PLK3: variants seen among roughly 807,000 people sequenced by gnomAD.
PLK3 encodes polo like kinase 3, also known as serine/threonine-protein kinase PLK3.
A neutral mutation model predicts 71.6 loss-of-function variants in PLK3; 41 were observed. The ratio of observed to expected loss-of-function variants is 0.57; its 90% CI spans 0.45 to 0.74. The LOEUF (loss-of-function observed/expected upper bound fraction) is 0.74. Ranked by LOEUF, PLK3 falls within the 30% of genes least tolerant of loss-of-function variation. PLK3 has a pLI of 0.00. For missense variants in PLK3, 791 were observed against 875.6 expected (o/e 0.90, Z 1.22); for synonymous variants, 366 against 355.4 (o/e 1.03, Z -0.33).
In PLK3 at chr1:44,804,478, T is replaced by C; in HGVS notation, c.1482T>C (p.His494=). 1 of 1,614,194 alleles carries C rather than the reference T, an allele frequency of 6.2e-7. No individual in the cohort carries two copies. Among genetic ancestry groups the C allele is most frequent in the African/African-American group, 1.3e-5 (1 of 75,060 alleles). The change falls in exon 12 of 15, where the codon CAT becomes CAC. Residue 494 remains histidine (H), a synonymous_variant. Transcript: ENST00000372201. ...CTGTGCTCTTCAACGATGGCACACATATGGCCCTGTCGGCCAACAGAAAGT... is the reference window on the plus strand; with the variant it reads ...CTGTGCTCTTCAACGATGGCACACACATGGCCCTGTCGGCCAACAGAAAGT... ...RVAVLFNDGT[H]MALSANRKTV...
In PLK3 at chr1:44,805,230, C is replaced by A. The variant is rs780531158; in HGVS notation, c.1636-36C>A. On this transcript the variant is annotated intron_variant, in intron 13 of 14. Coordinates refer to ENST00000372201, the MANE Select transcript of PLK3 (RefSeq NM_004073.4). ...CACTAATGGGGAGGGGGCTGTCTCA[C>A]GCTGGATCAGTGACCTGCCCTGATC... The A allele has an allele frequency of 1.1e-5, 15 of 1,414,222 alleles. 1 individual carries two copies. In the South Asian group the frequency reaches 1.6e-4, roughly 15 times the overall value. 87.6% of individuals were successfully genotyped at this position (1,414,222 alleles called of 1,614,324 possible).
At chr1:44,801,777 G>A (rs757343328) in intron 4 of PLK3, 26 bp downstream of exon 4, 6 of 1,585,104 alleles carry the variant, frequency 3.8e-6, no homozygotes, top group African/African-American at 2.7e-5. Context: ...CTGGAGGATG[G>A]GAGGTTGGGG....
rs746289025 is a variant in PLK3, at chr1:44,805,248, C to T, written c.1636-18C>T. 1 of 1,561,282 alleles carries T rather than the reference C, an allele frequency of 6.4e-7. No individual in the cohort carries two copies. Among genetic ancestry groups the T allele is most frequent in the Non-Finnish European group, 8.8e-7 (1 of 1,131,870 alleles). On this transcript the variant is annotated intron_variant, in intron 13 of 14. Transcript: ENST00000372201. ...TGTCTCACGCTGGATCAGTGACCTG[C>T]CCTGATCCTGCTCCCAGGGTGGAGA...
In PLK3 at chr1:44,803,992, C is replaced by G; in HGVS notation, c.1226C>G (p.Ser409Ter). ...GTAGAGACAGCACCTGAAGACAGCT[C>G]ACCCCGTGGGACACTGGCAAGCAGT... ...SLVETAPEDSSPRGTLASSGD... is the reference protein window; with the variant it reads ...SLVETAPEDS The change falls in exon 10 of 15, where the codon TCA (serine) becomes TGA (stop). Residue 409 changes from serine (S) to a stop codon, truncating the protein, a stop_gained. Transcript: ENST00000372201. LOFTEE classifies it high-confidence loss of function. This position sits in a 1 kb window ranked among gnomAD's most constrained non-coding sequence, Gnocchi z 4.3. 1 of 1,553,846 alleles carries G rather than the reference C, an allele frequency of 6.4e-7. No homozygotes were observed. Among genetic ancestry groups the G allele is most frequent in the Non-Finnish European group, 8.7e-7 (1 of 1,147,620 alleles).
Position 44,801,132 on chromosome 1 carries a change from T to C in PLK3, c.415T>C (p.Leu139=), listed in dbSNP as rs781354923. 1.6e-5 allele frequency: 25 copies of C among 1,612,432 alleles called. No individual in the cohort carries two copies. The highest frequency in any genetic ancestry group is 1.3e-5 in the Non-Finnish European group (15 of 1,178,932). The change falls in exon 3 of 15, where the codon TTG becomes CTG. Residue 139 remains leucine, a synonymous_variant. Coordinates refer to ENST00000372201, the MANE Select transcript of PLK3 (RefSeq NM_004073.4). ...FEDADNIYIF[L]ELCSRKSLAH... ...GGACGCTGACAACATCTACATTTTCTTGGAGCTCTGCAGCCGAAAGGTGAA... is the reference window on the plus strand; with the variant it reads ...GGACGCTGACAACATCTACATTTTCCTGGAGCTCTGCAGCCGAAAGGTGAA...
In PLK3 at chr1:44,804,807, G is replaced by GA. The variant is rs772056441; in HGVS notation, c.1635+31dup. 6 of 1,611,238 alleles carry GA rather than the reference G, an allele frequency of 3.7e-6. No homozygotes were observed. In the Admixed American group the frequency reaches 1.0e-4, roughly 27 times the overall value. Reference sequence around the variant, plus strand: ...GTGAGGGCTGGGGCTGTGGTACATTGAAACCTAACCCATCCTGGCCGGGTG... The same window carrying GA: ...GTGAGGGCTGGGGCTGTGGTACATTGAAAACCTAACCCATCCTGGCCGGGTG... On this transcript the variant is annotated intron_variant, in intron 13 of 14. Transcript: ENST00000372201.
intron 5 of PLK3, among the ~76,000 whole-genome samples, 169 bp downstream of exon 5, chr1:44,802,101 C>T (rs1189136181): frequency 6.6e-6 from 1 of 151,686 alleles, no homozygotes; most frequent in Non-Finnish European, 1.5e-5. Flanking sequence ...GCCTGTGTTA[C>T]CGAGACCGGT....
In PLK3 at chr1:44,803,592, A is replaced by G; in HGVS notation, c.1073-8A>G. 1.9e-6 allele frequency: 3 copies of G among 1,612,384 alleles called. No individual in the cohort carries two copies. The highest frequency in any genetic ancestry group is 2.5e-6 in the Non-Finnish European group (3 of 1,178,720). On this transcript the variant is annotated splice_polypyrimidine_tract_variant and splice_region_variant and intron_variant, in intron 8 of 14. Transcript: ENST00000372201. This position sits in a 1 kb window ranked among gnomAD's most constrained non-coding sequence, Gnocchi z 4.3. ...GATACTGAGGACGGTATCACCTTTC[A>G]CCCCCAGGTAAGAATCATGCCCAGG...
rs1042974765 is a variant in PLK3, at chr1:44,800,751, G to A, written c.210+78G>A. 5.8e-6 allele frequency: 9 copies of A among 1,540,950 alleles called. No homozygotes were observed. The highest frequency in any genetic ancestry group is 5.2e-6 in the Non-Finnish European group (6 of 1,144,340). Reference sequence around the variant, plus strand: ...CGGCCTCTTTTCTGGCGCCGAGCAGGGCGTGGGCACTTGACCCCCAACGCG... The same window carrying A: ...CGGCCTCTTTTCTGGCGCCGAGCAGAGCGTGGGCACTTGACCCCCAACGCG... On this transcript the variant is annotated intron_variant, in intron 1 of 14. Coordinates refer to ENST00000372201, the MANE Select transcript of PLK3 (RefSeq NM_004073.4). This position sits in a 1 kb window ranked among gnomAD's most constrained non-coding sequence, Gnocchi z 6.5.
In PLK3 at chr1:44,802,961, G is replaced by A. The variant is rs770311100; in HGVS notation, c.756G>A (p.Thr252=). 2 of 1,613,986 alleles carry A rather than the reference G, an allele frequency of 1.2e-6. No homozygotes were observed. Among genetic ancestry groups the A allele is most frequent in the Non-Finnish European group, 1.7e-6 (2 of 1,179,934 alleles). Residue 252 remains threonine (T), a synonymous_variant, in exon 7 of 15, where the codon ACG becomes ACA. Transcript: ENST00000372201. ...CCTTGGCCCTGCCCTATAGGTACAC[G>A]CTGCTCTGCGGGAGCCCTCCCTTTG... ...DVWSLGCVMY[T]LLCGSPPFET...
chr1:44,803,608 C>A lies in PLK3; in HGVS notation c.1081C>A (p.His361Asn). 6.2e-7 allele frequency: 1 copy of A among 1,613,696 alleles called. No homozygotes were observed. The highest frequency in any genetic ancestry group is 8.5e-7 in the Non-Finnish European group (1 of 1,179,668). ...LFGRKKKSKN[H>N]AQERDEVSGL... ...TCACCTTTCACCCCCAGGTAAGAAT[C>A]ATGCCCAGGAGAGGGATGAGGTCTC... The change falls in exon 9 of 15, where the codon CAT (histidine) becomes AAT (asparagine). Residue 361 changes from histidine (H) to asparagine (N), a missense_variant. His to Asn is a moderately conservative substitution (Grantham distance 68, BLOSUM62 1). Coordinates refer to ENST00000372201, the MANE Select transcript of PLK3 (RefSeq NM_004073.4). This position sits in a 1 kb window ranked among gnomAD's most constrained non-coding sequence, Gnocchi z 4.3.
rs779435111 is a variant in PLK3 at position 44,804,759 on chromosome 1, A to G, written c.1615A>G (p.Met539Val). ...LGILRYFASY[M>V]EQHLMKGGDL... The stretch of plus-strand genomic sequence containing the variant: ...TATCCTGCGGTACTTCGCCTCCTAC[A>G]TGGAGCAGCACCTCATGAAGGTGTG... The change falls in exon 13 of 15, where the codon ATG becomes GTG. Residue 539 changes from methionine to valine, a missense_variant. Physicochemically the swap from Met to Val is conservative, Grantham distance 21. Coordinates refer to ENST00000372201, the MANE Select transcript of PLK3 (RefSeq NM_004073.4). 11 of 1,613,800 alleles carry G rather than the reference A, an allele frequency of 6.8e-6. No individual in the cohort carries two copies. Among genetic ancestry groups the G allele is most frequent in the Non-Finnish European group, 8.5e-7 (1 of 1,179,898 alleles).
rs749747776 is a variant in PLK3 at position 44,800,894 on chromosome 1, G to A, written c.265G>A (p.Ala89Thr). 4.3e-6 allele frequency: 7 copies of A among 1,612,218 alleles called. No individual in the cohort carries two copies. Among genetic ancestry groups the A allele is most frequent in the Admixed American group, 3.3e-5 (2 of 59,998 alleles). Reference sequence around the variant, plus strand: ...TGACACAGAGACTGGCAGCGCCTACGCTGTCAAAGTCATCCCGCAGAGCCG... The same window carrying A: ...TGACACAGAGACTGGCAGCGCCTACACTGTCAAAGTCATCCCGCAGAGCCG... ...ATDTETGSAY[A>T]VKVIPQSRVA... Residue 89 changes from alanine (A) to threonine (T), a missense_variant, in exon 2 of 15, where the codon GCT becomes ACT. Physicochemically the swap from Ala to Thr is moderately conservative, Grantham distance 58. Coordinates refer to ENST00000372201, the MANE Select transcript of PLK3 (RefSeq NM_004073.4). The surrounding 1 kb of genome is among the most constrained non-coding windows in gnomAD (Gnocchi z 6.5).
rs1484583892 is a variant in PLK3, at chr1:44,802,871, C to T, written c.749+16C>T. ...GCTGTGTCATGTGAGTTGCAGGGTC[C>T]AGGTTCAGCAGCAGACAGGTGGTGG... On this transcript the variant is annotated intron_variant, in intron 6 of 14. Transcript: ENST00000372201. The T allele has an allele frequency of 1.9e-6, 3 of 1,610,546 alleles. No individual in the cohort carries two copies. Among genetic ancestry groups the T allele is most frequent in the Admixed American group, 1.7e-5 (1 of 59,990 alleles).
intron 10 of PLK3, 66 bp from the exon 11 acceptor site, chr1:44,804,097 G>A: frequency 1.3e-6 from 2 of 1,542,096 alleles, no homozygotes; most frequent in South Asian, 1.1e-5. Context: ...GGAAGGAGTG[G>A]GCAGAGGGGC....
rs1651793867 is a variant in PLK3, at chr1:44,800,586, G to A, written c.123G>A (p.Leu41=). 6.5e-6 allele frequency: 10 copies of A among 1,536,286 alleles called. 1 individual carries two copies. In the East Asian group the frequency reaches 2.5e-4, roughly 38 times the overall value. The change falls in exon 1 of 15, where the codon CTG becomes CTA. Residue 41 remains leucine, a synonymous_variant. Transcript: ENST00000372201. This position sits in a 1 kb window ranked among gnomAD's most constrained non-coding sequence, Gnocchi z 6.5. ...TGCGCGGACCTGAGCTGGAGATGCT[G>A]GCCGGGCTACCGACGTCAGACCCCG... ...SALRGPELEM[L]AGLPTSDPGR...
rs752142642 is a variant in PLK3 at position 44,804,175 on chromosome 1, G to T, written c.1271G>T (p.Gly424Val). The T allele has an allele frequency of 1.5e-5, 24 of 1,613,620 alleles. No homozygotes were observed. Among genetic ancestry groups the T allele is most frequent in the Non-Finnish European group, 1.9e-5 (22 of 1,179,646 alleles). Residue 424 changes from glycine (G) to valine (V), a missense_variant, in exon 11 of 15, where the codon GGT (glycine) becomes GTT (valine). Physicochemically the swap from Gly to Val is moderately radical, Grantham distance 109. Coordinates refer to ENST00000372201, the MANE Select transcript of PLK3 (RefSeq NM_004073.4). ...LASSGDGFEE[G>V]LTVATVVESA... ...CTGTCTCCTTCAGGATTTGAAGAAG[G>T]TCTGACTGTGGCCACAGTAGTGGAG...
chr1:44,800,399 C>A lies in PLK3; in HGVS notation c.-65C>A. 1.6e-6 allele frequency: 2 copies of A among 1,241,380 alleles called. No individual in the cohort carries two copies. The highest frequency in any genetic ancestry group is 3.5e-5 in the East Asian group (1 of 28,318). The allele number at this position is 1,241,380 out of a possible 1,614,324, so 76.9% of individuals were successfully genotyped here. A position where few individuals can be genotyped will look rare whatever the true frequency, so the allele number is the denominator to read the frequency against. ...AGCGCAGCGTAGCAAATCCAGGCAG[C>A]GCCACGCGCGGCCGGGGCCGGGCGG... On this transcript the variant is annotated 5_prime_UTR_variant, in exon 1 of 15. Coordinates refer to ENST00000372201, the MANE Select transcript of PLK3 (RefSeq NM_004073.4). The surrounding 1 kb of genome is among the most constrained non-coding windows in gnomAD (Gnocchi z 6.5).
rs1651943406 is a variant in PLK3 at position 44,804,496 on chromosome 1, C to T, written c.1500C>T (p.Asn500=). 6.2e-7 allele frequency: 1 copy of T among 1,614,096 alleles called. No homozygotes were observed. Residue 500 remains asparagine, a synonymous_variant, in exon 12 of 15, where the codon AAC becomes AAT. Coordinates refer to ENST00000372201, the MANE Select transcript of PLK3 (RefSeq NM_004073.4). ...NDGTHMALSA[N]RKTVHYNPTS... is the part of the protein sequence containing the mutation. ...GCACACATATGGCCCTGTCGGCCAA[C>T]AGAAAGTAAGTGCTGTTATGGGGTG...
Sources: allele counts gnomAD v4.1 joint callset (sites outside exome capture counted in the v4.1 genomes callset), GRCh38; gene constraint gnomAD v4.1.1; non-coding constraint Gnocchi (gnomAD v3.1); transcripts MANE v1.5; gene names NCBI Gene and HGNC (gene_info 2026-07-23, HGNC 2026-07-21).